Variants in KIF1A observed in about 807,000 individuals in gnomAD.
KIF1A encodes the protein kinesin family member 1A, also known as kinesin-like protein KIF1A.
In KIF1A, 46 loss-of-function variants were observed where a neutral mutation model predicts 227.3. The ratio of observed to expected loss-of-function variants is 0.20; its 90% confidence interval spans 0.16 to 0.26. The LOEUF is 0.26. KIF1A is among the 10% of genes least tolerant of loss of function. The pLI is 1.00. For missense variants in KIF1A, 1,683 were observed against 2,485.9 expected, an observed-to-expected ratio of 0.68 and a Z score of 6.87; for synonymous variants, 1,022 against 1,012.8, an observed-to-expected ratio of 1.01 and a Z score of -0.17.
intron 38 of KIF1A, among the ~76,000 whole-genome samples, chr2:240,734,923 G>A (rs983882727): frequency 1.3e-5 from 2 of 152,166 alleles, no homozygotes; most frequent in African/African-American, 4.8e-5. Context: ...CGCATGGAAG[G>A]CCAAGGCCCC....
At chr2:240,749,330 C>T (rs2048955603) in intron 28 of KIF1A, among the ~76,000 whole-genome samples, 1 of 152,092 alleles carries the variant, frequency 6.6e-6, no homozygotes, top group Non-Finnish European at 1.5e-5. Context: ...GGGGGACTTG[C>T]CATCTGGGGA....
chr2:240,757,444 C>G lies in KIF1A; in HGVS notation c.2733G>C (p.Glu911Asp). 1 of 1,550,018 alleles carries G rather than the reference C, an allele frequency of 6.5e-7. No homozygotes were observed. The highest frequency in any genetic ancestry group is 8.7e-7 in the Non-Finnish European group (1 of 1,146,574). ...CCTCATCCTCCTCCTCCTCCTCCTC[C>G]TCCTCCTCCTCCCCCACGCTCTGCT... is the stretch of plus-strand genomic sequence containing the variant. ...AEEQSVGEEE[E>D]EEEEEEDEEE... Residue 911 changes from glutamate to aspartate, a missense_variant, in exon 27 of 49, where the codon GAG becomes GAC. Transcript: ENST00000498729. This position sits in a 1 kb window ranked among gnomAD's most constrained non-coding sequence, Gnocchi z 6.2.
At chr2:240,762,460 CACGTGAATGTGTGCATGTGTGT>C (rs1455900807) in intron 23 of KIF1A, among the ~76,000 whole-genome samples, 1 of 152,244 alleles carries the variant, frequency 6.6e-6, no homozygotes, top group Non-Finnish European at 1.5e-5. Context: ...TACATGTGTG[CACGTGAATGTGTGCATGTGTGT>C]ACACACGCCA....
At chr2:240,797,845 A>G (rs967975568) in intron 1 of KIF1A, 33 bp from the exon 2 acceptor site, 2 of 757,736 alleles carry the variant, frequency 2.6e-6, no homozygotes, top group Non-Finnish European at 2.2e-6. Context: ...ATTAGAAACA[A>G]TATCTGAGGA....
chr2:240,782,968 G>A lies in KIF1A; in HGVS notation c.864+76C>T, dbSNP rs530779496. On this transcript the variant is annotated intron_variant, in intron 9 of 48. Coordinates refer to ENST00000498729, the MANE Select transcript of KIF1A (RefSeq NM_001244008.2). ...CCTCCCAGACACAGGGCCCGGAAAC[G>A]AGGGTGACAGGGGCAGGATGGGGCG... is the stretch of plus-strand genomic sequence containing the variant. 544 of 1,214,956 alleles carry A rather than the reference G, an allele frequency of 4.5e-4. 24 individuals are homozygous for A. In the South Asian group the frequency reaches 5.8e-3, roughly 13 times the overall value. 75.3% of individuals were successfully genotyped at this position (1,214,956 alleles called of 1,614,324 possible).
intron 9 of KIF1A, 36 bp downstream of exon 9, chr2:240,783,008 G>C: frequency 6.5e-7 from 1 of 1,546,752 alleles, no homozygotes; most frequent in Non-Finnish European, 8.9e-7. Context: ...AGACCCTCTG[G>C]GGTTCTGGCT....
rs2055269642 is a variant in KIF1A at position 240,788,793 on chromosome 2, C to T, written c.183+443G>A. On this transcript the variant is annotated intron_variant, in intron 3 of 48. Transcript: ENST00000498729. The surrounding 1 kb of genome is among the most constrained non-coding windows in gnomAD (Gnocchi z 6.6). ...GATATGAGGGGCTTAGATGAGGAGG[C>T]TGCATGCCTTCTTCTAGAAGGGTCC... Among the ~76,000 whole-genome samples, 1 of 152,042 alleles carries T rather than the reference C, an allele frequency of 6.6e-6. No individual in the cohort carries two copies.
chr2:240,749,566 G>T (rs1227324238), intron 28 of KIF1A, among the ~76,000 whole-genome samples: 1 of 152,190 alleles, frequency 6.6e-6, no homozygotes, highest in African/African-American at 2.4e-5. Context: ...GGAGGAGCCC[G>T]GGGCAGGCAG....
chr2:240,774,245 T>A lies in KIF1A; in HGVS notation c.975A>T (p.Thr325=). The change falls in exon 12 of 49, where the codon ACA becomes ACT. Residue 325 remains threonine, a synonymous_variant. Coordinates refer to ENST00000498729, the MANE Select transcript of KIF1A (RefSeq NM_001244008.2). ...LRENLGGNSR[T]AMVAALSPAD... is the part of the protein sequence containing the mutation. The stretch of plus-strand genomic sequence containing the variant: ...CAGGACTCAAGGCTGCCACCATAGC[T>A]GTCCTTGAGTTACCGCCTGTGGGAA... 1 of 1,611,396 alleles carries A rather than the reference T, an allele frequency of 6.2e-7. No individual in the cohort carries two copies. Among genetic ancestry groups the A allele is most frequent in the Non-Finnish European group, 8.5e-7 (1 of 1,177,978 alleles).
rs959356862 is a variant in KIF1A at position 240,778,753 on chromosome 2, T to C, written c.883-2827A>G. Among the ~76,000 whole-genome samples the C allele has an allele frequency of 6.6e-6, 1 of 151,420 alleles. No individual in the cohort carries two copies. Among genetic ancestry groups the C allele is most frequent in the African/African-American group, 2.4e-5 (1 of 41,096 alleles). ...ACCCCTCGCACACGTCTCTGCAGCT[T>C]TCCTCACGATTCTGCGCACCGTTCC... is the stretch of plus-strand genomic sequence containing the variant. On this transcript the variant is annotated intron_variant, in intron 10 of 48. Coordinates refer to ENST00000498729, the MANE Select transcript of KIF1A (RefSeq NM_001244008.2). The surrounding 1 kb of genome is among the most constrained non-coding windows in gnomAD (Gnocchi z 7.2).
In KIF1A at chr2:240,766,241, A is replaced by G. The variant is rs2051153398; in HGVS notation, c.1685-448T>C. 6.6e-6 allele frequency among the ~76,000 whole-genome samples: 1 copy of G among 152,248 alleles called. No homozygotes were observed. Among genetic ancestry groups the G allele is most frequent in the Non-Finnish European group, 1.5e-5 (1 of 68,038 alleles). On this transcript the variant is annotated intron_variant, in intron 19 of 48. Transcript: ENST00000498729. This position sits in a 1 kb window ranked among gnomAD's most constrained non-coding sequence, Gnocchi z 5.0. Reference sequence around the variant, plus strand: ...GTGGCCAAGTTGGACAGTGGGTGTCAGTCACAGGTCTGCAGGCCAGAGGCT... The same window carrying G: ...GTGGCCAAGTTGGACAGTGGGTGTCGGTCACAGGTCTGCAGGCCAGAGGCT...
intron 44 of KIF1A, 105 bp from the exon 45 acceptor site, chr2:240,721,143 G>A: frequency 7.0e-7 from 1 of 1,421,120 alleles, no homozygotes; most frequent in Non-Finnish European, 9.7e-7. Flanking sequence ...GCTGCTTAGG[G>A]CACCCCACCC....
Position 240,725,738 on chromosome 2 carries a change from T to C in KIF1A, c.4123-334A>G. On this transcript the variant is annotated intron_variant, in intron 39 of 48. Transcript: ENST00000498729. The surrounding 1 kb of genome is among the most constrained non-coding windows in gnomAD (Gnocchi z 5.8). ...AATTGGGGTGACCCCTCCCCGACCC[T>C]GGAATGTCTGTGAGGATCAAACCAG... is the stretch of plus-strand genomic sequence containing the variant. 1 of 264,278 alleles carries C rather than the reference T, an allele frequency of 3.8e-6. No individual in the cohort carries two copies. Among genetic ancestry groups the C allele is most frequent in the Non-Finnish European group, 7.1e-6 (1 of 140,112 alleles). 16.4% of individuals were successfully genotyped at this position (264,278 alleles called of 1,614,324 possible). A position where few individuals can be genotyped will look rare whatever the true frequency, so the allele number is the denominator to read the frequency against.
chr2:240,764,024 A>G (rs2050844924), intron 20 of KIF1A, among the ~76,000 whole-genome samples: 1 of 151,946 alleles, frequency 6.6e-6, no homozygotes, highest in Admixed American at 6.5e-5. Context: ...CCAGGGCAGC[A>G]CTCACTGTCT....
chr2:240,744,330 C>T lies in KIF1A; in HGVS notation c.3466-270G>A, dbSNP rs3821344. Among the ~76,000 whole-genome samples the T allele has an allele frequency of 0.083, 12,686 of 152,160 alleles. 964 individuals are homozygous for T. The highest frequency in any genetic ancestry group is 0.26 in the East Asian group (1,331 of 5,164). On this transcript the variant is annotated intron_variant, in intron 32 of 48. Coordinates refer to ENST00000498729, the MANE Select transcript of KIF1A (RefSeq NM_001244008.2). Reference sequence around the variant, plus strand: ...GTGGCTCAGCTGCCCTTTCAGAACACGGAGCTGGGAAAGGTGACAAAGGGC... The same window carrying T: ...GTGGCTCAGCTGCCCTTTCAGAACATGGAGCTGGGAAAGGTGACAAAGGGC...
chr2:240,767,357 C>A lies in KIF1A; in HGVS notation c.1498-12G>T, dbSNP rs369126975. The A allele has an allele frequency of 1.9e-6, 3 of 1,609,188 alleles. No homozygotes were observed. The highest frequency in any genetic ancestry group is 3.3e-5 in the Admixed American group (2 of 59,948). ...ACGAGGTGTGGTGTCTGCAGGGAGA[C>A]AGGAGGATCATCTCTCTTGCAGAGG... On this transcript the variant is annotated splice_polypyrimidine_tract_variant and intron_variant, in intron 17 of 48. Transcript: ENST00000498729.
chr2:240,783,963 G>A, intron 7 of KIF1A, 147 bp from the exon 8 acceptor site: 1 of 661,182 alleles, frequency 1.5e-6, no homozygotes, highest in Non-Finnish European at 2.7e-6. Flanking sequence ...AGGCCCAGCA[G>A]TCCTGACCCC....
rs767164403 is a variant in KIF1A, at chr2:240,763,229, G to C, written c.1886C>G (p.Ala629Gly). 1 of 1,613,098 alleles carries C rather than the reference G, an allele frequency of 6.2e-7. No individual in the cohort carries two copies. Among genetic ancestry groups the C allele is most frequent in the South Asian group, 1.1e-5 (1 of 91,000 alleles). ...AETPAEPVDWAFAQRELLEKQ... is the reference protein window; with the variant it reads ...AETPAEPVDWGFAQRELLEKQ... ...CTCCAGCAGCTCACGCTGGGCGAAG[G>C]CCCAGTCCACAGGCTCAGCTGGCGT... The change falls in exon 21 of 49, where the codon GCC (alanine) becomes GGC (glycine). Residue 629 changes from alanine (A) to glycine (G), a missense_variant. By Grantham distance (60) the Ala-to-Gly change is moderately conservative (BLOSUM62 0). Around this residue, in one of 12 missense-constraint regions of KIF1A, gnomAD observed 217 missense variants for 427.0 expected, o/e 0.51. Transcript: ENST00000498729.
intron 24 of KIF1A, 109 bp from the exon 25 acceptor site, chr2:240,760,952 A>G (rs1436145585): frequency 2.6e-6 from 3 of 1,135,684 alleles, no homozygotes; most frequent in South Asian, 1.6e-5. Flanking sequence ...CTGCCCCACA[A>G]TGGTTCACTG....
Sources: allele counts gnomAD v4.1 joint callset (sites outside exome capture counted in the v4.1 genomes callset), GRCh38; gene constraint gnomAD v4.1.1; regional missense constraint gnomAD v4.1.1; non-coding constraint Gnocchi (gnomAD v3.1); transcripts MANE v1.5; gene names NCBI Gene and HGNC (gene_info 2026-07-23, HGNC 2026-07-21).